CPN1: variants seen among roughly 807,000 people sequenced by gnomAD.
The protein encoded by CPN1 is carboxypeptidase N subunit 1.
A neutral mutation model predicts 46.4 loss-of-function variants in CPN1; 37 were observed. That is an observed-to-expected ratio of 0.80 (90% CI 0.61 to 1.05). The LOEUF (loss-of-function observed/expected upper bound fraction) is 1.05. CPN1 is among the 50% of genes least tolerant of loss of function. The pLI, the probability that CPN1 is intolerant of heterozygous loss-of-function variation, is 0.00. For missense variants in CPN1, 563 were observed against 602.6 expected (o/e 0.93, Z 0.69); for synonymous variants, 224 against 235.4 (o/e 0.95, Z 0.44).
At chr10:100,064,177 G>A (rs1369050874) in intron 4 of CPN1, among the ~76,000 whole-genome samples, 1 of 151,852 alleles carries the variant, frequency 6.6e-6, no homozygotes, top group East Asian at 1.9e-4. Context: ...CATATTTAGG[G>A]GGTGAGAGTC....
At chr10:100,058,286 T>C (rs1453224611) in intron 5 of CPN1, among the ~76,000 whole-genome samples, 1 of 152,206 alleles carries the variant, frequency 6.6e-6, no homozygotes, top group East Asian at 1.9e-4. Context: ...TTTAAAAGAA[T>C]AGATTTTTCT....
rs2041445148 is a variant in CPN1, at chr10:100,065,052, T to A, written c.759+136A>T. On this transcript the variant is annotated intron_variant, in intron 4 of 8. Transcript: ENST00000370418. ...AAACCAAATGTCATTTACTAGACTG[T>A]AAGCTCCTCACAAACAAGCGGTATT... 3 of 1,022,264 alleles carry A rather than the reference T, an allele frequency of 2.9e-6. No homozygotes were observed. The South Asian group carries it at 5.1e-5, about 17-fold the overall frequency. The allele number at this position is 1,022,264 out of a possible 1,614,324, so 63.3% of individuals were successfully genotyped here. A position where few individuals can be genotyped will look rare whatever the true frequency, so the allele number is the denominator to read the frequency against.
chr10:100,054,220 C>T (rs902145298), intron 7 of CPN1, 127 bp downstream of exon 7: 3 of 725,662 alleles, frequency 4.1e-6, no homozygotes, highest in Non-Finnish European at 7.6e-6. Context: ...TTTCCTCCAT[C>T]CCCCCCACTC....
chr10:100,043,410 A>AAT (rs1342587905), intron 8 of CPN1, among the ~76,000 whole-genome samples: 1 of 151,388 alleles, frequency 6.6e-6, no homozygotes, highest in Admixed American at 6.6e-5. Flanking sequence ...GAAAAAAAAA[A>AAT]GTAAAGAAAA....
chr10:100,063,750 G>A (rs912538288), intron 4 of CPN1, 25 bp from the exon 5 acceptor site: 9 of 1,562,128 alleles, frequency 5.8e-6, no homozygotes, highest in Admixed American at 3.3e-5. Flanking sequence ...GGAGGAAAAC[G>A]ACCTTGATGA....
intron 8 of CPN1, among the ~76,000 whole-genome samples, chr10:100,044,581 G>T (rs1381630973): frequency 6.6e-6 from 1 of 152,114 alleles, no homozygotes; most frequent in African/African-American, 2.4e-5. Flanking sequence ...TCGCCATGTT[G>T]CCCAGGCTGG....
At chr10:100,047,616 G>A (rs539047311) in intron 8 of CPN1, among the ~76,000 whole-genome samples, 54 of 152,234 alleles carry the variant, frequency 3.5e-4, no homozygotes, top group African/African-American at 1.0e-3. Context: ...CAATTTCCCC[G>A]GTATCTTTGG....
intron 2 of CPN1, among the ~76,000 whole-genome samples, chr10:100,072,492 T>TA (rs2041491866): frequency 6.6e-6 from 1 of 152,224 alleles, no homozygotes; most frequent in African/African-American, 2.4e-5. Flanking sequence ...GAGAAACTGT[T>TA]AAACTGTTTT....
In CPN1 at chr10:100,057,079, G is replaced by A. The variant is rs763154695; in HGVS notation, c.945C>T (p.Pro315=). Residue 315 remains proline, a synonymous_variant, in exon 6 of 9, where the codon CCC becomes CCT. Transcript: ENST00000370418. ...ACTCCCGCTGTAACTCCTCTTCGGG[G>A]GGAAACTTGTCGCAACTCAGTTCCA... ...ITLELSCDKF[P]PEEELQREWL... 7 of 1,614,130 alleles carry A rather than the reference G, an allele frequency of 4.3e-6. No homozygotes were observed. In the South Asian group the frequency reaches 7.7e-5, roughly 18 times the overall value.
chr10:100,065,072 G>C (rs999139036), intron 4 of CPN1, 116 bp downstream of exon 4: 6 of 1,237,522 alleles, frequency 4.8e-6, no homozygotes, highest in Non-Finnish European at 6.7e-6. Flanking sequence ...ACAAACAAGC[G>C]GTATTTTCAA....
At position 100,051,567 on chromosome 10, in the gene CPN1, G is replaced by A. The variant is rs912111536; in HGVS notation, c.1112-2691C>T. Among the ~76,000 whole-genome samples the A allele has an allele frequency of 7.9e-5, 12 of 151,322 alleles. No individual in the cohort carries two copies. The East Asian group carries it at 1.9e-3, about 24-fold the overall frequency. ...TTTTGAGATGGAGTCTTGCTCTGTC[G>A]CCCAGGCTGGAGTACAGTGGCTCAA... is the stretch of plus-strand genomic sequence containing the variant. On this transcript the variant is annotated intron_variant, in intron 7 of 8. Transcript: ENST00000370418.
At chr10:100,076,537 T>A (rs1204765890) in intron 1 of CPN1, among the ~76,000 whole-genome samples, 1 of 152,214 alleles carries the variant, frequency 6.6e-6, no homozygotes, top group Non-Finnish European at 1.5e-5. Flanking sequence ...CAGAGACAAA[T>A]CTTTCAGGAT....
intron 7 of CPN1, 120 bp from the exon 8 acceptor site, chr10:100,048,996 T>A: frequency 8.9e-6 from 6 of 672,850 alleles, no homozygotes; most frequent in East Asian, 3.5e-5. Context: ...TCTTGCTCTG[T>A]CACCCAGGCT....
intron 3 of CPN1, among the ~76,000 whole-genome samples, chr10:100,066,698 G>C (rs1589476642): frequency 6.6e-6 from 1 of 152,256 alleles, no homozygotes; most frequent in African/African-American, 2.4e-5. Flanking sequence ...CAAGTTTAGA[G>C]ATTATGTAGT....
chr10:100,069,782 T>C lies in CPN1; in HGVS notation c.508A>G (p.Ile170Val), dbSNP rs373442994. ...CCTCCGTACTTCTCGTTATAGTAGA[T>C]ATAGGTATTGAGATCAGGGAAGTTG... ...NRNFPDLNTY[I>V]YYNEKYGGPN... The change falls in exon 3 of 9, where the codon ATC becomes GTC. Residue 170 changes from isoleucine to valine, a missense_variant. By Grantham distance (29) the Ile-to-Val change is conservative. Transcript: ENST00000370418. 17 of 1,613,742 alleles carry C rather than the reference T, an allele frequency of 1.1e-5. No homozygotes were observed. The East Asian group carries it at 3.6e-4, about 34-fold the overall frequency.
intron 8 of CPN1, among the ~76,000 whole-genome samples, chr10:100,048,393 G>A (rs2041327228): frequency 6.6e-6 from 1 of 152,184 alleles, no homozygotes; most frequent in Non-Finnish European, 1.5e-5. Context: ...TTAGAGCTGT[G>A]CAATCACTTA....
chr10:100,064,665 G>GCCAC lies in CPN1; in HGVS notation c.759+519_759+522dup, dbSNP rs200737116. ...CAAAGTGCTGGGATTACAGGCGTGA[G>GCCAC]CCACCGCACCAGGCCAATAATTACA... On this transcript the variant is annotated intron_variant, in intron 4 of 8. Transcript: ENST00000370418. Among the ~76,000 whole-genome samples, 1,157 of 152,078 alleles carry GCCAC rather than the reference G, an allele frequency of 7.6e-3. 11 individuals carry two copies. Among genetic ancestry groups the GCCAC allele is most frequent in the African/African-American group, 0.025 (1,020 of 41,522 alleles).
At chr10:100,059,494 T>C (rs1259885995) in intron 5 of CPN1, among the ~76,000 whole-genome samples, 1 of 148,190 alleles carries the variant, frequency 6.7e-6, no homozygotes, top group Non-Finnish European at 1.5e-5. Context: ...AAATAGCCAA[T>C]AAGCACATGA....
chr10:100,048,795 G>A lies in CPN1; in HGVS notation c.1193C>T (p.Thr398Ile). The change falls in exon 8 of 9, where the codon ACA (threonine) becomes ATA (isoleucine). Residue 398 changes from threonine (T) to isoleucine (I), a missense_variant. By Grantham distance (89) the Thr-to-Ile change is moderately conservative. Coordinates refer to ENST00000370418, the MANE Select transcript of CPN1 (RefSeq NM_001308.3). Reference protein sequence around the residue: ...SATAPGYDPETVTVTVGPAEP... With the variant: ...SATAPGYDPEIVTVTVGPAEP... ...CGCAGGACCCACGGTCACAGTTACTGTCTCTGGGTCATACCCAGGTGCTGT... is the reference window on the plus strand; with the variant it reads ...CGCAGGACCCACGGTCACAGTTACTATCTCTGGGTCATACCCAGGTGCTGT... 1 of 1,613,730 alleles carries A rather than the reference G, an allele frequency of 6.2e-7. No individual in the cohort carries two copies. The highest frequency in any genetic ancestry group is 1.1e-5 in the South Asian group (1 of 91,080).
Sources: gnomAD v4.1 joint callset for allele counts (sites outside exome capture counted in the v4.1 genomes callset) on GRCh38, gnomAD v4.1.1 for gene constraint, MANE v1.5 for transcripts, NCBI Gene and HGNC (gene_info 2026-07-23, HGNC 2026-07-21) for gene names.